Variants in RBFOX2 observed in about 807,000 individuals in gnomAD.
The protein encoded by RBFOX2 is RNA binding fox-1 homolog 2.
RBFOX2 carries 10 observed loss-of-function variants against 49.1 expected under a neutral mutation model. That is an observed-to-expected ratio of 0.20 (90% CI 0.13 to 0.35). RBFOX2 has a LOEUF of 0.35. Among genes scored for constraint, RBFOX2 ranks in the 10% least tolerant of loss-of-function variants. The pLI, the probability that RBFOX2 is intolerant of heterozygous loss-of-function variation, is 1.00. For synonymous variants in RBFOX2, 183 were observed against 187.4 expected (o/e 0.98, Z 0.19); for missense variants, 323 against 486.9 (o/e 0.66, Z 3.17).
chr22:35,874,959 C>A (rs2044833172), intron 1 of RBFOX2, among the ~76,000 whole-genome samples: 1 of 152,066 alleles, frequency 6.6e-6, no homozygotes. Flanking sequence ...TGGCACTGCT[C>A]CAATAGGATC....
At chr22:35,979,482 T>C (rs1223880207) in intron 1 of RBFOX2, among the ~76,000 whole-genome samples, 1 of 152,122 alleles carries the variant, frequency 6.6e-6, no homozygotes, top group Non-Finnish European at 1.5e-5. Context: ...AGTGAAGGAA[T>C]ATCACATCTG....
At chr22:36,026,326 A>G (rs753309677) in intron 1 of RBFOX2, among the ~76,000 whole-genome samples, 26 of 151,892 alleles carry the variant, frequency 1.7e-4, no homozygotes, top group Admixed American at 3.9e-4. Context: ...TCTCGGAGGG[A>G]TAACTCTCAG....
At chr22:35,841,412 C>T (rs1355971120), upstream of RBFOX2, among the ~76,000 whole-genome samples, 3 of 152,108 alleles carry the variant, frequency 2.0e-5, no homozygotes, top group African/African-American at 7.2e-5. Context: ...AGATGTGGTT[C>T]AGTCCAGAAG....
chr22:35,970,198 C>A lies in RBFOX2; in HGVS notation c.187-31301G>T, dbSNP rs892887864. On this transcript the variant is annotated intron_variant, in intron 1 of 13. Coordinates refer to the RBFOX2 transcript ENST00000438146. ...GACCATGTAACTTGTCTTATGCTAT[C>A]CCAATTCCAAATACCCTGACACATT... Among the ~76,000 whole-genome samples, 8 of 152,278 alleles carry A rather than the reference C, an allele frequency of 5.3e-5. No individual in the cohort carries two copies. The East Asian group carries it at 1.4e-3, about 26-fold the overall frequency.
intron 1 of RBFOX2, among the ~76,000 whole-genome samples, chr22:35,812,796 T>A (rs1952176674): frequency 6.6e-6 from 1 of 152,214 alleles, no homozygotes; most frequent in Non-Finnish European, 1.5e-5. Context: ...AGCCTCCTCG[T>A]TTTACTCCAG....
chr22:35,971,193 A>G (rs929648063), intron 1 of RBFOX2, among the ~76,000 whole-genome samples: 4 of 152,060 alleles, frequency 2.6e-5, no homozygotes, highest in African/African-American at 9.7e-5. Context: ...ACAATACTAC[A>G]TGGGATGTGG....
chr22:35,764,670 A>C (rs1338772199), intron 6 of RBFOX2, among the ~76,000 whole-genome samples: 3 of 152,060 alleles, frequency 2.0e-5, no homozygotes, highest in Admixed American at 2.0e-4. Flanking sequence ...CTAATTGCTC[A>C]GACTAAAGTA....
At chr22:35,993,192 T>C (rs778219181) in intron 1 of RBFOX2, 1 of 152,210 alleles carries the variant, frequency 6.6e-6, no homozygotes, top group Non-Finnish European at 1.5e-5. Flanking sequence ...AAGGACCATT[T>C]TGATTACAGG....
At chr22:35,969,490 C>T (rs1160537095) in intron 1 of RBFOX2, among the ~76,000 whole-genome samples, 1 of 152,120 alleles carries the variant, frequency 6.6e-6, no homozygotes, top group African/African-American at 2.4e-5. Flanking sequence ...ACAAGAATCA[C>T]TTGAACTCAG....
intron 1 of RBFOX2, among the ~76,000 whole-genome samples, chr22:35,970,249 A>C (rs889478065): frequency 2.6e-5 from 4 of 152,254 alleles, no homozygotes; most frequent in East Asian, 1.9e-4. Context: ...AAAATATCCC[A>C]AAAAAATCAA....
chr22:35,858,324 A>AT (rs780989151), intron 1 of RBFOX2, among the ~76,000 whole-genome samples: 38 of 152,142 alleles, frequency 2.5e-4, no homozygotes, highest in Non-Finnish European at 5.0e-4. Context: ...TTTCTTACCC[A>AT]TTTCAAAATG....
chr22:35,798,887 A>G (rs1949265425), intron 2 of RBFOX2, among the ~76,000 whole-genome samples: 1 of 152,214 alleles, frequency 6.6e-6, no homozygotes, highest in Non-Finnish European at 1.5e-5. Context: ...AATTACATCA[A>G]ACTAAGAAAA....
At chr22:35,893,877 C>A (rs909953351) in intron 1 of RBFOX2, among the ~76,000 whole-genome samples, 5 of 151,866 alleles carry the variant, frequency 3.3e-5, no homozygotes, top group Admixed American at 2.0e-4. Context: ...GGGAAACTTT[C>A]AAAAAGCTGG....
intron 1 of RBFOX2, among the ~76,000 whole-genome samples, chr22:35,952,983 G>A (rs905816867): frequency 6.6e-6 from 1 of 151,978 alleles, no homozygotes; most frequent in Non-Finnish European, 1.5e-5. Flanking sequence ...AGGCTGTGGC[G>A]GGCGGATCAC....
At chr22:36,020,321 T>C (rs1432839629) in intron 1 of RBFOX2, among the ~76,000 whole-genome samples, 1 of 152,084 alleles carries the variant, frequency 6.6e-6, no homozygotes, top group Non-Finnish European at 1.5e-5. Context: ...GCAATACCAT[T>C]CAGGACATAG....
At chr22:35,967,467 T>C (rs2056631458) in intron 1 of RBFOX2, among the ~76,000 whole-genome samples, 1 of 150,774 alleles carries the variant, frequency 6.6e-6, no homozygotes, top group Non-Finnish European at 1.5e-5. Flanking sequence ...AACAACTCAA[T>C]CTATGAATTA....
Position 35,886,146 on chromosome 22 carries a change from G to A in RBFOX2, c.-34+52701C>T, listed in dbSNP as rs775692258. On this transcript the variant is annotated intron_variant, in intron 1 of 13. Coordinates refer to the RBFOX2 transcript ENST00000359369. ...GCTGGGATTACAGGCGTGAGCCACCGCGCCCGGCCCAAACACAATATTTTA... is the reference window on the plus strand; with the variant it reads ...GCTGGGATTACAGGCGTGAGCCACCACGCCCGGCCCAAACACAATATTTTA... 2.6e-5 allele frequency among the ~76,000 whole-genome samples: 4 copies of A among 151,980 alleles called. 1 individual carries two copies. The South Asian group carries it at 6.2e-4, about 24-fold the overall frequency.
intron 1 of RBFOX2, among the ~76,000 whole-genome samples, chr22:35,920,204 A>G (rs2050876113): frequency 6.6e-6 from 1 of 152,216 alleles, no homozygotes; most frequent in Non-Finnish European, 1.5e-5. Flanking sequence ...AATGTATCTA[A>G]TTGCATGTGG....
intron 4 of RBFOX2, among the ~76,000 whole-genome samples, chr22:35,775,879 A>G (rs1347402107): frequency 1.3e-5 from 2 of 151,510 alleles, no homozygotes; most frequent in Non-Finnish European, 2.9e-5. Flanking sequence ...AAAGAAAAGA[A>G]AAAGAATTGG....
Sources: gnomAD v4.1 joint callset for allele counts (sites outside exome capture counted in the v4.1 genomes callset) on GRCh38, gnomAD v4.1.1 for gene constraint, MANE v1.5 for transcripts, NCBI Gene and HGNC (gene_info 2026-07-23, HGNC 2026-07-21) for gene names.